XIRP2: variants seen among roughly 807,000 people sequenced by gnomAD.
The protein encoded by XIRP2 is xin actin-binding repeat-containing protein 2.
XIRP2 carries 236 observed loss-of-function variants against 277.0 expected under a neutral mutation model. The observed-to-expected ratio is 0.85, with a 90% CI of 0.77 to 0.95. The LOEUF is 0.95. XIRP2 is among the 40% of genes least tolerant of loss of function. The probability of loss-of-function intolerance (pLI) is 0.00; values close to 1 mark genes in which losing one functional copy is unlikely to be tolerated. For synonymous variants in XIRP2, 1,490 were observed against 1,416.5 expected (o/e 1.05, Z -1.17); for missense variants, 4,640 against 4,157.5 (o/e 1.12, Z -3.19).
chr2:166,918,349 A>G (rs2105354847), intron 2 of XIRP2, among the ~76,000 whole-genome samples: 1 of 152,162 alleles, frequency 6.6e-6, no homozygotes, highest in African/African-American at 2.4e-5. Flanking sequence ...TTAAAGACCA[A>G]AATTTTCCCT....
chr2:167,156,352 T>C (rs188452511), intron 3 of XIRP2, among the ~76,000 whole-genome samples: 744 of 152,270 alleles, frequency 4.9e-3, no homozygotes, highest in Non-Finnish European at 7.4e-3. Context: ...TTGTGGGCAT[T>C]ACCTGCAATA....
At position 166,994,560 on chromosome 2, in the gene XIRP2, A is replaced by G. The variant is rs563451487; in HGVS notation, c.408+90670A>G. 1.7e-3 allele frequency among the ~76,000 whole-genome samples: 245 copies of G among 148,130 alleles called. 6 individuals carry two copies. Among genetic ancestry groups the G allele is most frequent in the African/African-American group, 5.9e-3 (234 of 39,964 alleles). On this transcript the variant is annotated intron_variant, in intron 2 of 10. Transcript: ENST00000409195. ...GTAAGGCTTCCAATACTGCATTTCA[A>G]TAGCACTTCTGGATGTCTTCAAATT...
Position 167,259,134 on chromosome 2 carries a change from A to G in XIRP2, c.*1317A>G, listed in dbSNP as rs1045521519. 3.1e-6 allele frequency: 5 copies of G among 1,612,682 alleles called. No homozygotes were observed. The highest frequency in any genetic ancestry group is 1.3e-5 in the African/African-American group (1 of 74,908). On this transcript the variant is annotated 3_prime_UTR_variant, in exon 11 of 11. Coordinates refer to ENST00000409195, the MANE Select transcript of XIRP2 (RefSeq NM_152381.6). Reference sequence around the variant, plus strand: ...AATTGTGATTTAATAGATTCTGTAGATCAAATTAAAAATATGCCATGCTTG... The same window carrying G: ...AATTGTGATTTAATAGATTCTGTAGGTCAAATTAAAAATATGCCATGCTTG...
At chr2:167,010,123 G>A (rs1687624514) in intron 2 of XIRP2, among the ~76,000 whole-genome samples, 1 of 152,038 alleles carries the variant, frequency 6.6e-6, no homozygotes, top group South Asian at 2.1e-4. Context: ...TGGTGTTTTA[G>A]ACATGAAGTC....
At chr2:167,160,903 C>T (rs549419673) in intron 3 of XIRP2, among the ~76,000 whole-genome samples, 68 of 152,276 alleles carry the variant, frequency 4.5e-4, no homozygotes, top group African/African-American at 1.3e-3. Context: ...CCTGTAAAAT[C>T]GAAAGCAAGT....
chr2:167,029,923 T>C (rs1234463379), intron 2 of XIRP2, among the ~76,000 whole-genome samples: 17 of 152,108 alleles, frequency 1.1e-4, no homozygotes, highest in Admixed American at 1.1e-3. Context: ...TTCTTCCTGG[T>C]TTTCTTCCTA....
chr2:167,115,031 CA>C (rs1176888959), intron 2 of XIRP2, among the ~76,000 whole-genome samples: 1 of 152,136 alleles, frequency 6.6e-6, no homozygotes, highest in African/African-American at 2.4e-5. Flanking sequence ...CTGACTTCCA[CA>C]ATGGTTGAAC....
intron 2 of XIRP2, among the ~76,000 whole-genome samples, chr2:166,968,367 T>A (rs1276451048): frequency 9.2e-6 from 1 of 109,176 alleles, no homozygotes; most frequent in Non-Finnish European, 1.7e-5. Context: ...ATGAAAAATT[T>A]AAATATCATC....
intron 2 of XIRP2, among the ~76,000 whole-genome samples, chr2:167,087,518 A>G: frequency 6.6e-6 from 1 of 152,212 alleles, no homozygotes; most frequent in Admixed American, 6.5e-5. Flanking sequence ...AGCCTGGGCA[A>G]TGGCGGGTGC....
chr2:167,220,108 G>A (rs1356888648), intron 5 of XIRP2, among the ~76,000 whole-genome samples: 2 of 152,238 alleles, frequency 1.3e-5, no homozygotes, highest in South Asian at 2.1e-4. Flanking sequence ...CTTGAAATCA[G>A]CCATAGTGAG....
chr2:167,011,701 C>G (rs1163411506), intron 2 of XIRP2, among the ~76,000 whole-genome samples: 3 of 151,236 alleles, frequency 2.0e-5, no homozygotes, highest in Non-Finnish European at 4.4e-5. Flanking sequence ...CCATCTGGTC[C>G]TGGACTCTTT....
intron 2 of XIRP2, among the ~76,000 whole-genome samples, chr2:167,072,783 TG>T (rs1269452811): frequency 6.6e-6 from 1 of 152,198 alleles, no homozygotes; most frequent in Non-Finnish European, 1.5e-5. Flanking sequence ...CATTAGATTT[TG>T]CTAACATACA....
At chr2:166,964,045 A>C (rs1482009537) in intron 2 of XIRP2, among the ~76,000 whole-genome samples, 1 of 151,716 alleles carries the variant, frequency 6.6e-6, no homozygotes, top group African/African-American at 2.4e-5. Flanking sequence ...GGATGAAGTG[A>C]ATGTGGGAAT....
chr2:167,150,417 A>G (rs1691983484), intron 3 of XIRP2, among the ~76,000 whole-genome samples: 1 of 152,060 alleles, frequency 6.6e-6, no homozygotes, highest in Non-Finnish European at 1.5e-5. Flanking sequence ...ATCAAAAGAA[A>G]TACTATACAT....
chr2:167,218,488 G>A (rs1250418583), intron 5 of XIRP2, among the ~76,000 whole-genome samples, 188 bp downstream of exon 5: 1 of 152,130 alleles, frequency 6.6e-6, no homozygotes, highest in East Asian at 1.9e-4. Context: ...CTTACTTGAA[G>A]CATTTTTGCC....
intron 2 of XIRP2, among the ~76,000 whole-genome samples, chr2:166,907,572 C>T (rs999919168): frequency 1.3e-5 from 2 of 151,788 alleles, no homozygotes; most frequent in Non-Finnish European, 2.9e-5. Flanking sequence ...CATCTCTCCT[C>T]CTCAGGTAGG....
rs1051316744 is a variant in XIRP2, at chr2:167,042,991, A to C, written c.409-92918A>C. ...AAATCATATGACCCACATTCTCTGA[A>C]CACAGTGCAATAAACATAGAAATCG... On this transcript the variant is annotated intron_variant, in intron 2 of 10. Transcript: ENST00000409195. Among the ~76,000 whole-genome samples, 10 of 152,278 alleles carry C rather than the reference A, an allele frequency of 6.6e-5. 1 individual carries two copies. The highest frequency in any genetic ancestry group is 1.9e-4 in the African/African-American group (8 of 41,572).
Position 167,243,629 on chromosome 2 carries a change from A to G in XIRP2, c.2237A>G (p.Asp746Gly), listed in dbSNP as rs1695149624. ...ACTCAACCATTATATGTTATTAGAG[A>G]TGGTTCGGGCCAAATGCTGGAAATT... ...FETQPLYVIR[D>G]GSGQMLEIKT... The change falls in exon 9 of 11, where the codon GAT (aspartate) becomes GGT (glycine). Residue 746 changes from aspartate (D) to glycine (G), a missense_variant. Coordinates refer to ENST00000409195, the MANE Select transcript of XIRP2 (RefSeq NM_152381.6). 1 of 1,614,050 alleles carries G rather than the reference A, an allele frequency of 6.2e-7. No homozygotes were observed. Among genetic ancestry groups the G allele is most frequent in the Non-Finnish European group, 8.5e-7 (1 of 1,179,982 alleles).
rs747362130 is a variant in XIRP2 at position 167,250,584 on chromosome 2, TA to T, written c.9197del (p.Asn3066IlefsTer19). On this transcript the variant is annotated frameshift_variant, in exon 9 of 11. Transcript: ENST00000409195. LOFTEE classifies it high-confidence loss of function. Reference protein sequence around the residue: ...KVSNVHVSNNKNSEQKENKIA... With the variant: ...KVSNVHVSNNXNSEQKENKIA... ...TATCTAATGTTCATGTCAGCAATAA[TA>T]AAAATAGTGAACAGAAAGAAAATAA... The T allele has an allele frequency of 1.2e-6, 2 of 1,613,024 alleles. No homozygotes were observed. Among genetic ancestry groups the T allele is most frequent in the Non-Finnish European group, 1.7e-6 (2 of 1,179,634 alleles).
Sources: gnomAD v4.1 joint callset for allele counts (sites outside exome capture counted in the v4.1 genomes callset) on GRCh38, gnomAD v4.1.1 for gene constraint, MANE v1.5 for transcripts, NCBI Gene and HGNC (gene_info 2026-07-23, HGNC 2026-07-21) for gene names.